NAT10: variants seen among roughly 807,000 people sequenced by gnomAD.
NAT10 encodes the protein RNA cytidine acetyltransferase.
In NAT10, 109 loss-of-function variants were observed where a neutral mutation model predicts 132.2. The observed-to-expected ratio is 0.82, with a 90% CI of 0.71 to 0.97. The LOEUF is 0.97. NAT10 is among the 50% of genes least tolerant of loss of function. The probability of loss-of-function intolerance (pLI) is 0.00; values close to 1 mark genes in which losing one functional copy is unlikely to be tolerated. For missense variants in NAT10, 1,184 were observed against 1,263.4 expected, an observed-to-expected ratio of 0.94 and a Z score of 0.95; for synonymous variants, 479 against 478.0, an observed-to-expected ratio of 1.00 and a Z score of -0.03.
At chr11:34,129,173 A>G (rs771249222) in intron 12 of NAT10, among the ~76,000 whole-genome samples, 4 of 152,226 alleles carry the variant, frequency 2.6e-5, no homozygotes, top group Non-Finnish European at 5.9e-5. Flanking sequence ...GAGTGAAACT[A>G]TTGGGCTAAC....
Position 34,134,586 on chromosome 11 carries a change from G to A in NAT10, c.1911G>A (p.Gly637=), listed in dbSNP as rs1405774232. ...VRIAVHPDYQ[G]MGYGSRALQL... ...TTGCTGTTCACCCAGATTATCAAGGGGTAATGTGTCCTCAGGCTCCCCTGA... is the reference window on the plus strand; with the variant it reads ...TTGCTGTTCACCCAGATTATCAAGGAGTAATGTGTCCTCAGGCTCCCCTGA... The change falls in exon 18 of 29, where the codon GGG becomes GGA. Residue 637 remains glycine (G), a splice_region_variant and synonymous_variant. Transcript: ENST00000257829. 1.2e-6 allele frequency: 2 copies of A among 1,614,078 alleles called. No individual in the cohort carries two copies. The highest frequency in any genetic ancestry group is 1.1e-5 in the South Asian group (1 of 91,076).
chr11:34,127,968 C>T (rs1445191194), intron 12 of NAT10, among the ~76,000 whole-genome samples: 2 of 152,094 alleles, frequency 1.3e-5, no homozygotes, highest in Non-Finnish European at 2.9e-5. Flanking sequence ...AAAGCAAGCT[C>T]ATAATGACTT....
chr11:34,116,010 T>G, intron 6 of NAT10, 126 bp downstream of exon 6: 1 of 832,382 alleles, frequency 1.2e-6, no homozygotes, highest in Non-Finnish European at 1.9e-6. Context: ...AATGATGAGA[T>G]TCTTGACAGC....
At chr11:34,108,642 C>A in intron 2 of NAT10, 100 bp from the exon 3 acceptor site, 1 of 1,115,548 alleles carries the variant, frequency 9.0e-7, no homozygotes, top group Non-Finnish European at 1.3e-6. Flanking sequence ...CCTTCCCTGG[C>A]CCTCAGTTTA....
intron 6 of NAT10, among the ~76,000 whole-genome samples, chr11:34,116,629 C>T (rs1851788496): frequency 6.6e-6 from 1 of 151,146 alleles, no homozygotes; most frequent in African/African-American, 2.4e-5. Context: ...GAGTCTCGCT[C>T]TGTTGCCCAG....
rs141860269 is a variant in NAT10, at chr11:34,120,623, T to A, written c.781-1836T>A. 3.6e-3 allele frequency among the ~76,000 whole-genome samples: 552 copies of A among 152,276 alleles called. 3 individuals carry two copies. Among genetic ancestry groups the A allele is most frequent in the African/African-American group, 0.013 (521 of 41,550 alleles). On this transcript the variant is annotated intron_variant, in intron 8 of 28. Transcript: ENST00000257829. ...CCTTCAGTGTCACTGGCATCTTGCT[T>A]TTACTTCTAGGCGCTCCTGTAGGCA...
At chr11:34,141,647 T>G (rs1172058828) in intron 25 of NAT10, 72 bp from the exon 26 acceptor site, 1 of 1,341,986 alleles carries the variant, frequency 7.5e-7, no homozygotes, top group Non-Finnish European at 1.1e-6. Flanking sequence ...AGACACCAAG[T>G]GTCTGGGTCA....
In NAT10 at chr11:34,127,462, G is replaced by T. The variant is rs1224619588; in HGVS notation, c.1108-1G>T. On this transcript the variant is annotated splice_acceptor_variant, in intron 11 of 28. Coordinates refer to ENST00000257829, the MANE Select transcript of NAT10 (RefSeq NM_024662.3). LOFTEE classifies it high-confidence loss of function. ...ATAATCTAAATTTTCCTTCCCCATA[G>T]TATATACATCCTGCAGATGCTGTGA... The T allele has an allele frequency of 6.2e-7, 1 of 1,611,592 alleles. No individual in the cohort carries two copies.
At position 34,139,301 on chromosome 11, in the gene NAT10, A is replaced by G. The variant is rs1852277874; in HGVS notation, c.2308+14A>G. 1 of 1,606,422 alleles carries G rather than the reference A, an allele frequency of 6.2e-7. No homozygotes were observed. Among genetic ancestry groups the G allele is most frequent in the Middle Eastern group, 1.7e-4 (1 of 6,050 alleles). On this transcript the variant is annotated intron_variant, in intron 22 of 28. Coordinates refer to ENST00000257829, the MANE Select transcript of NAT10 (RefSeq NM_024662.3). Reference sequence around the variant, plus strand: ...CCTTCTGGAAAGGTGACTGAGGAGTAGGGGTTTGGGGGAGACAATGAGGTG... The same window carrying G: ...CCTTCTGGAAAGGTGACTGAGGAGTGGGGGTTTGGGGGAGACAATGAGGTG...
chr11:34,113,766 G>A lies in NAT10; in HGVS notation c.423G>A (p.Val141=). ...TGCTGGCCAGGACTGTAGAAACAGT[G>A]GAAGGTGGTGGGCTAGTGGTCATCC... ...PNLLARTVET[V]EGGGLVVILL... Residue 141 remains valine (V), a synonymous_variant, in exon 5 of 29, where the codon GTG becomes GTA. Transcript: ENST00000257829. 1.2e-6 allele frequency: 2 copies of A among 1,614,134 alleles called. No homozygotes were observed. The highest frequency in any genetic ancestry group is 1.1e-5 in the South Asian group (1 of 91,072).
At chr11:34,127,082 G>T (rs1404386242) in intron 11 of NAT10, among the ~76,000 whole-genome samples, 1 of 152,078 alleles carries the variant, frequency 6.6e-6, no homozygotes, top group Non-Finnish European at 1.5e-5. Flanking sequence ...GGAGAGAAAG[G>T]AAAGGGAGCC....
chr11:34,139,904 TAAAA>T (rs1742866181), intron 23 of NAT10, among the ~76,000 whole-genome samples: 1 of 152,134 alleles, frequency 6.6e-6, no homozygotes, highest in Non-Finnish European at 1.5e-5. Context: ...TTTGAATACT[TAAAA>T]AACAAAAAAT....
At position 34,131,574 on chromosome 11, in the gene NAT10, G is replaced by A; in HGVS notation, c.1520+43G>A. On this transcript the variant is annotated intron_variant, in intron 14 of 28. Coordinates refer to ENST00000257829, the MANE Select transcript of NAT10 (RefSeq NM_024662.3). ...TCACTGGCCCTGTGAAAAGGAGAGG[G>A]GCGGTGAAAGAATTCAAAGGACTTG... The A allele has an allele frequency of 2.6e-6, 4 of 1,559,182 alleles. 1 individual carries two copies. The South Asian group carries it at 4.8e-5, about 19-fold the overall frequency.
rs1486107775 is a variant in NAT10, at chr11:34,141,118, TA to T, written c.2624del (p.Lys875SerfsTer17). ...TTCTCTTGGGGATTGGCCTGCAGCA[TA>T]AGTCTGTGGACCAGCTGGAAAAGGA... ...ALLLGIGLQHKSVDQLEKEIE... is the reference protein window; with the variant it reads ...ALLLGIGLQHXSVDQLEKEIE... On this transcript the variant is annotated frameshift_variant, in exon 25 of 29. Coordinates refer to ENST00000257829, the MANE Select transcript of NAT10 (RefSeq NM_024662.3). LOFTEE classifies it high-confidence loss of function. 3.7e-6 allele frequency: 6 copies of T among 1,614,076 alleles called. No homozygotes were observed. The highest frequency in any genetic ancestry group is 2.5e-6 in the Non-Finnish European group (3 of 1,180,020).
intron 8 of NAT10, among the ~76,000 whole-genome samples, chr11:34,121,357 A>T (rs1851888848): frequency 6.6e-6 from 1 of 151,992 alleles, no homozygotes; most frequent in African/African-American, 2.4e-5. Flanking sequence ...AAATGGTAGG[A>T]TTTTATATAT....
At chr11:34,106,106 T>A (rs1851590277) in intron 1 of NAT10, 1 of 152,764 alleles carries the variant, frequency 6.5e-6, no homozygotes, top group Non-Finnish European at 1.5e-5. Flanking sequence ...CCGTGGAGCT[T>A]GCCCGCAGTG....
intron 3 of NAT10, among the ~76,000 whole-genome samples, chr11:34,110,890 A>C (rs1851682745): frequency 6.6e-6 from 1 of 152,196 alleles, no homozygotes; most frequent in Non-Finnish European, 1.5e-5. Flanking sequence ...CTCACTGTCT[A>C]GGCATTGTCA....
In NAT10 at chr11:34,131,404, C is replaced by T. The variant is rs1852102494; in HGVS notation, c.1393C>T (p.Leu465Phe). The T allele has an allele frequency of 2.5e-6, 4 of 1,613,928 alleles. No homozygotes were observed. The East Asian group carries it at 6.7e-5, about 27-fold the overall frequency. Residue 465 changes from leucine to phenylalanine, a missense_variant, in exon 14 of 29, where the codon CTC becomes TTC. Physicochemically the swap from Leu to Phe is conservative, Grantham distance 22. Coordinates refer to ENST00000257829, the MANE Select transcript of NAT10 (RefSeq NM_024662.3). ...ASARTLYEVSLQESIRYAPGD... is the reference protein window; with the variant it reads ...ASARTLYEVSFQESIRYAPGD... ...AGCGCGGACACTGTATGAGGTTTCC[C>T]TCCAGGAGTCAATCCGATACGCCCC...
chr11:34,130,278 A>G (rs2132963081), intron 12 of NAT10, among the ~76,000 whole-genome samples: 1 of 152,276 alleles, frequency 6.6e-6, no homozygotes, highest in East Asian at 1.9e-4. Flanking sequence ...GTCACCTTAT[A>G]AGTGGGCATA....
Sources: allele counts gnomAD v4.1 joint callset (sites outside exome capture counted in the v4.1 genomes callset), GRCh38; gene constraint gnomAD v4.1.1; transcripts MANE v1.5; gene names NCBI Gene and HGNC (gene_info 2026-07-23, HGNC 2026-07-21).